FRMD3: variants seen among roughly 807,000 people sequenced by gnomAD.
FRMD3 encodes FERM domain-containing protein 3.
In FRMD3, 33 loss-of-function variants were observed where a neutral mutation model predicts 70.2. That is an observed-to-expected ratio of 0.47 (90% CI 0.36 to 0.63). FRMD3 has a LOEUF of 0.63. Among genes scored for constraint, FRMD3 ranks in the 20% least tolerant of loss-of-function variants. FRMD3 has a pLI of 0.00. For missense variants in FRMD3, 632 were observed against 711.4 expected, an observed-to-expected ratio of 0.89 and a Z score of 1.27; for synonymous variants, 279 against 255.9, an observed-to-expected ratio of 1.09 and a Z score of -0.86.
intron 1 of FRMD3, among the ~76,000 whole-genome samples, chr9:83,438,809 T>C (rs530855534): frequency 6.6e-6 from 1 of 152,348 alleles, no homozygotes; most frequent in East Asian, 1.9e-4. Flanking sequence ...TAGTCTTCCC[T>C]GCTGTGTGTG....
intron 13 of FRMD3, among the ~76,000 whole-genome samples, chr9:83,287,756 CCTCAAGGCAG>C (rs1427278143): frequency 6.6e-6 from 1 of 152,212 alleles, no homozygotes. Context: ...GAACAAATGC[CCTCAAGGCAG>C]CTCAAGGCAC....
At chr9:83,357,259 ATATATATATATATATATAT>A (rs1564032729) in intron 3 of FRMD3, among the ~76,000 whole-genome samples, 1,394 of 55,964 alleles carry the variant, frequency 0.025, 223 homozygotes, top group African/African-American at 0.13. Flanking sequence ...ATATATATAT[ATATATATATATATATATAT>A]ATATATATAT....
At chr9:83,269,838 T>C (rs1301118250) in intron 13 of FRMD3, among the ~76,000 whole-genome samples, 7 of 152,252 alleles carry the variant, frequency 4.6e-5, no homozygotes, top group Non-Finnish European at 1.0e-4. Context: ...TTAAACCTGC[T>C]CTCACTCTTT....
At chr9:83,244,041 T>C (rs918985260), downstream of FRMD3, among the ~76,000 whole-genome samples, 9 of 152,028 alleles carry the variant, frequency 5.9e-5, no homozygotes, top group Non-Finnish European at 1.3e-4. Context: ...GGCAGGAGAA[T>C]TGCTTGAACC....
Position 83,245,666 on chromosome 9 carries a change from T to C in FRMD3, c.*2252A>G. 1 of 879,396 alleles carries C rather than the reference T, an allele frequency of 1.1e-6. No individual in the cohort carries two copies. The highest frequency in any genetic ancestry group is 1.4e-6 in the Non-Finnish European group (1 of 733,466). 54.5% of individuals were successfully genotyped at this position (879,396 alleles called of 1,614,324 possible). A position where few individuals can be genotyped will look rare whatever the true frequency, so the allele number is the denominator to read the frequency against. On this transcript the variant is annotated 3_prime_UTR_variant, in exon 14 of 14. Transcript: ENST00000304195. Reference sequence around the variant, plus strand: ...TAGTTCCATAATTTAAAAAATATTATATAATATTATTTTGAAAGACTGAGG... The same window carrying C: ...TAGTTCCATAATTTAAAAAATATTACATAATATTATTTTGAAAGACTGAGG...
At chr9:83,303,441 A>T (rs1835000725) in intron 10 of FRMD3, among the ~76,000 whole-genome samples, 1 of 152,186 alleles carries the variant, frequency 6.6e-6, no homozygotes, top group Non-Finnish European at 1.5e-5. Context: ...TGGCTCTCAA[A>T]TTTTAGTGAG....
rs1054733415 is a variant in FRMD3, at chr9:83,395,018, C to T, written c.148-5310G>A. ...TATTAAACACCTATTATGCACCAGG[C>T]ATTGAGATAGGGATTATAAATAAGC... On this transcript the variant is annotated intron_variant, in intron 1 of 13. Coordinates refer to ENST00000304195, the MANE Select transcript of FRMD3 (RefSeq NM_174938.6). 2.6e-5 allele frequency among the ~76,000 whole-genome samples: 4 copies of T among 152,066 alleles called. No individual in the cohort carries two copies. In the East Asian group the frequency reaches 7.7e-4, roughly 29 times the overall value.
intron 3 of FRMD3, among the ~76,000 whole-genome samples, chr9:83,352,971 C>A (rs779364531): frequency 2.0e-5 from 3 of 152,198 alleles, no homozygotes; most frequent in Non-Finnish European, 2.9e-5. Flanking sequence ...ATACAAGGTG[C>A]TCAAGATATG....
intron 1 of FRMD3, among the ~76,000 whole-genome samples, chr9:83,452,541 G>T (rs1400490990): frequency 2.6e-5 from 4 of 152,044 alleles, no homozygotes; most frequent in Non-Finnish European, 5.9e-5. Context: ...GAGTGCAGTG[G>T]TGCGATCTCG....
At chr9:83,470,686 A>G (rs1313985859) in intron 1 of FRMD3, among the ~76,000 whole-genome samples, 1 of 152,222 alleles carries the variant, frequency 6.6e-6, no homozygotes, top group Non-Finnish European at 1.5e-5. Context: ...GTCTGGATTC[A>G]TGAATAGAAT....
chr9:83,345,033 CAACCCCAG>C (rs915952773), intron 4 of FRMD3, among the ~76,000 whole-genome samples: 2 of 152,156 alleles, frequency 1.3e-5, no homozygotes, highest in African/African-American at 4.8e-5. Flanking sequence ...GGGACGCTGT[CAACCCCAG>C]AGCACTGGAG....
At chr9:83,407,873 C>CTT (rs1564062738) in intron 1 of FRMD3, among the ~76,000 whole-genome samples, 1 of 91,896 alleles carries the variant, frequency 1.1e-5, no homozygotes, top group Non-Finnish European at 2.0e-5. Context: ...CTCTCTCTCT[C>CTT]ATCTTTCTCT....
chr9:83,339,086 G>T (rs564643479), intron 5 of FRMD3, among the ~76,000 whole-genome samples: 1 of 152,118 alleles, frequency 6.6e-6, no homozygotes, highest in East Asian at 1.9e-4. Context: ...GGAGGGCATC[G>T]TTTTTCAGGG....
At chr9:83,521,098 C>G (rs1393154852) in intron 1 of FRMD3, among the ~76,000 whole-genome samples, 1 of 151,462 alleles carries the variant, frequency 6.6e-6, no homozygotes, top group African/African-American at 2.4e-5. Flanking sequence ...GAGATCACAC[C>G]ACTGCACTCT....
At chr9:83,316,161 CTTTTTTTTTTTTT>C (rs34851421) in intron 6 of FRMD3, among the ~76,000 whole-genome samples, 1 of 112,606 alleles carries the variant, frequency 8.9e-6, no homozygotes, top group Non-Finnish European at 1.7e-5. Flanking sequence ...TTTTTTTTTT[CTTTTTTTTTTTTT>C]TTGAGACAGA....
chr9:83,243,917 GTGGAA>G (rs953353561), downstream of FRMD3, among the ~76,000 whole-genome samples: 18 of 152,238 alleles, frequency 1.2e-4, no homozygotes, highest in African/African-American at 2.6e-4. Flanking sequence ...GAGGATAGAA[GTGGAA>G]TCATGACCAG....
At chr9:83,455,770 TTTTC>T (rs1827801288) in intron 1 of FRMD3, among the ~76,000 whole-genome samples, 1 of 152,184 alleles carries the variant, frequency 6.6e-6, no homozygotes, top group Non-Finnish European at 1.5e-5. Flanking sequence ...AAAAATATAT[TTTTC>T]TTTTACTCAC....
At chr9:83,528,674 C>T (rs544677805) in intron 1 of FRMD3, among the ~76,000 whole-genome samples, 1 of 152,144 alleles carries the variant, frequency 6.6e-6, no homozygotes, top group East Asian at 1.9e-4. Context: ...GGACTACAGG[C>T]ACGCACCAAG....
intron 1 of FRMD3, among the ~76,000 whole-genome samples, chr9:83,409,020 C>G (rs1163502742): frequency 6.6e-6 from 1 of 152,124 alleles, no homozygotes; most frequent in Non-Finnish European, 1.5e-5. Flanking sequence ...AAGAATGCTG[C>G]GATAAATTAC....
Sources: allele counts gnomAD v4.1 joint callset (sites outside exome capture counted in the v4.1 genomes callset), GRCh38; gene constraint gnomAD v4.1.1; transcripts MANE v1.5; gene names NCBI Gene and HGNC (gene_info 2026-07-23, HGNC 2026-07-21).